HNRNPLL: variants seen among roughly 807,000 people sequenced by gnomAD.
HNRNPLL encodes heterogeneous nuclear ribonucleoprotein L like, also known as heterogeneous nuclear ribonucleoprotein L-like.
HNRNPLL carries 25 observed loss-of-function variants against 67.1 expected under a neutral mutation model. The observed-to-expected ratio is 0.37, with a 90% CI of 0.27 to 0.52. The LOEUF is 0.52. Among genes scored for constraint, HNRNPLL ranks in the 20% least tolerant of loss-of-function variants. HNRNPLL has a pLI of 0.90. For missense variants in HNRNPLL, 542 were observed against 673.9 expected, an observed-to-expected ratio of 0.80 and a Z score of 2.17; for synonymous variants, 267 against 241.7, an observed-to-expected ratio of 1.10 and a Z score of -0.97.
intron 2 of HNRNPLL, 143 bp from the exon 3 acceptor site, chr2:38,586,024 A>AG: frequency 3.2e-6 from 2 of 630,260 alleles, no homozygotes; most frequent in Non-Finnish European, 5.6e-6. Flanking sequence ...ACGTAAGTCA[A>AG]CTTTTTTTTT....
chr2:38,582,279 G>A (rs889086518), intron 4 of HNRNPLL, 111 bp from the exon 5 acceptor site: 30 of 754,922 alleles, frequency 4.0e-5, no homozygotes, highest in Admixed American at 1.2e-4. Flanking sequence ...TTCTGGAAAT[G>A]TTTTACCAAT....
At chr2:38,600,823 C>G (rs56217714) in intron 1 of HNRNPLL, among the ~76,000 whole-genome samples, 21,452 of 152,024 alleles carry the variant, frequency 0.14, 1,634 homozygotes, top group Non-Finnish European at 0.16. Context: ...CCATTTCCAC[C>G]GCTCCACACA....
intron 8 of HNRNPLL, among the ~76,000 whole-genome samples, chr2:38,572,179 A>T (rs1200685654): frequency 6.6e-6 from 1 of 151,972 alleles, no homozygotes; most frequent in Non-Finnish European, 1.5e-5. Flanking sequence ...AAGTATAGGT[A>T]TCCCATATGT....
intron 1 of HNRNPLL, among the ~76,000 whole-genome samples, chr2:38,592,920 T>C (rs1667021154): frequency 6.6e-6 from 1 of 152,240 alleles, no homozygotes; most frequent in Admixed American, 6.5e-5. Context: ...TTTAAGGCTA[T>C]TTTAAATGAC....
At chr2:38,588,541 C>T (rs1375525640) in intron 2 of HNRNPLL, among the ~76,000 whole-genome samples, 1 of 68,902 alleles carries the variant, frequency 1.5e-5, no homozygotes, top group South Asian at 4.1e-4. Context: ...AGTGAAACTC[C>T]ATCTCAAAAA....
At chr2:38,583,420 C>T (rs982788244) in intron 4 of HNRNPLL, among the ~76,000 whole-genome samples, 1 of 152,030 alleles carries the variant, frequency 6.6e-6, no homozygotes, top group Non-Finnish European at 1.5e-5. Context: ...GCTCTTCTTA[C>T]TCAATGTGTG....
chr2:38,568,952 A>G (rs936896837), intron 10 of HNRNPLL, among the ~76,000 whole-genome samples, 181 bp downstream of exon 10: 1 of 152,170 alleles, frequency 6.6e-6, no homozygotes, highest in African/African-American at 2.4e-5. Flanking sequence ...ACGAAGCCCA[A>G]TGAGGAATGG....
chr2:38,585,839 T>C lies in HNRNPLL; in HGVS notation c.351A>G (p.Glu117=). The C allele has an allele frequency of 1.2e-6, 2 of 1,613,754 alleles. No individual in the cohort carries two copies. Among genetic ancestry groups the C allele is most frequent in the Non-Finnish European group, 1.7e-6 (2 of 1,179,718 alleles). ...CTTTGGCACTATCTATGTTTTCAAA[T>C]TCCACTAGAGCCTGTCGTTTAAATG... ...MMPFKRQALV[E]FENIDSAKEC... Residue 117 remains glutamate (E), a synonymous_variant, in exon 3 of 13, where the codon GAA becomes GAG. Coordinates refer to ENST00000449105, the MANE Select transcript of HNRNPLL (RefSeq NM_138394.4).
chr2:38,577,420 C>G, intron 7 of HNRNPLL, 41 bp downstream of exon 7: 1 of 1,196,308 alleles, frequency 8.4e-7, no homozygotes, highest in Non-Finnish European at 1.2e-6. Flanking sequence ...GCAAGTCAAA[C>G]AGTTCATCTA....
At chr2:38,590,870 T>A (rs915538032) in intron 2 of HNRNPLL, among the ~76,000 whole-genome samples, 7 of 152,068 alleles carry the variant, frequency 4.6e-5, no homozygotes, top group African/African-American at 1.2e-4. Flanking sequence ...CCGGGCATAG[T>A]GACATGCGTC....
intron 12 of HNRNPLL, among the ~76,000 whole-genome samples, chr2:38,564,468 A>G (rs1665773826): frequency 6.6e-6 from 1 of 151,938 alleles, no homozygotes; most frequent in African/African-American, 2.4e-5. Context: ...AAAAATACAA[A>G]AATTAGCTGG....
intron 1 of HNRNPLL, among the ~76,000 whole-genome samples, chr2:38,598,983 G>A (rs775031724): frequency 5.9e-5 from 9 of 152,188 alleles, no homozygotes; most frequent in Non-Finnish European, 8.8e-5. Context: ...TTACTACACA[G>A]TCTTCTAAAC....
At chr2:38,585,069 C>G (rs1482131375) in intron 3 of HNRNPLL, among the ~76,000 whole-genome samples, 2 of 152,104 alleles carry the variant, frequency 1.3e-5, no homozygotes, top group African/African-American at 4.8e-5. Flanking sequence ...TTCCTCTATT[C>G]ATTACAAAAA....
chr2:38,593,306 T>A (rs1266947670), intron 1 of HNRNPLL, among the ~76,000 whole-genome samples: 2 of 152,236 alleles, frequency 1.3e-5, no homozygotes, highest in Non-Finnish European at 2.9e-5. Context: ...GTATCATCAT[T>A]ACATTCTTAA....
intron 7 of HNRNPLL, among the ~76,000 whole-genome samples, chr2:38,576,275 T>C (rs1223459312): frequency 6.6e-6 from 1 of 151,794 alleles, no homozygotes; most frequent in Non-Finnish European, 1.5e-5. Flanking sequence ...ACAACTATAC[T>C]ACAAACTTGT....
chr2:38,595,934 C>G (rs896372113), intron 1 of HNRNPLL, among the ~76,000 whole-genome samples: 3 of 152,108 alleles, frequency 2.0e-5, no homozygotes, highest in African/African-American at 7.2e-5. Context: ...AAAACATACC[C>G]CTCACCCACC....
chr2:38,576,686 G>A (rs1666312442), intron 7 of HNRNPLL, among the ~76,000 whole-genome samples: 1 of 151,908 alleles, frequency 6.6e-6, no homozygotes, highest in East Asian at 1.9e-4. Flanking sequence ...GCAATACCAG[G>A]TGCTTTTCGG....
chr2:38,599,976 T>C (rs1270401671), intron 1 of HNRNPLL: 3 of 461,644 alleles, frequency 6.5e-6, no homozygotes, highest in Non-Finnish European at 1.3e-5. Context: ...GCAAAACCCT[T>C]TTCGGTTACA....
Position 38,581,948 on chromosome 2 carries a change from C to T in HNRNPLL, c.767G>A (p.Ser256Asn). The change falls in exon 6 of 13, where the codon AGT becomes AAT. Residue 256 changes from serine to asparagine, a missense_variant. Physicochemically the swap from Ser to Asn is conservative, Grantham distance 46. This residue lies in a region of HNRNPLL where 415 missense variants were observed against 575.2 expected (regional missense o/e 0.72). Coordinates refer to ENST00000449105, the MANE Select transcript of HNRNPLL (RefSeq NM_138394.4). The part of the protein sequence containing the change: ...RLNVIRNDND[S>N]WDYTKPYLGR... ...CAAATATGGTTTAGTGTAGTCCCAA[C>T]TGTCATTGTCATTCCTAATAACATT... 6.2e-7 allele frequency: 1 copy of T among 1,612,728 alleles called. No individual in the cohort carries two copies. Among genetic ancestry groups the T allele is most frequent in the Non-Finnish European group, 8.5e-7 (1 of 1,178,798 alleles).
Sources: gnomAD v4.1 joint callset for allele counts (sites outside exome capture counted in the v4.1 genomes callset) on GRCh38, gnomAD v4.1.1 for gene constraint, gnomAD v4.1.1 regional missense constraint, MANE v1.5 for transcripts, NCBI Gene and HGNC (gene_info 2026-07-23, HGNC 2026-07-21) for gene names.